The following GALNT16 variants were observed in gnomAD, a reference collection of about 807,000 sequenced individuals.
GALNT16 encodes polypeptide N-acetylgalactosaminyltransferase 16, also known as UDP-GalNAc:polypeptide N-acetylgalactosaminyltransferase-like protein 1.
A neutral mutation model predicts 76.1 loss-of-function variants in GALNT16; 40 were observed. The ratio of observed to expected loss-of-function variants is 0.53; its 90% CI spans 0.41 to 0.68. GALNT16 has a LOEUF of 0.68. Among genes scored for constraint, GALNT16 ranks in the 30% least tolerant of loss-of-function variants. GALNT16 has a pLI of 0.00. For synonymous variants in GALNT16, 276 were observed against 285.2 expected (o/e 0.97, Z 0.32); for missense variants, 621 against 731.9 (o/e 0.85, Z 1.75).
the GALNT16 span, among the ~76,000 whole-genome samples, chr14:69,371,893 G>A: frequency 2.6e-5 from 4 of 152,096 alleles, no homozygotes; most frequent in South Asian, 2.1e-4. Flanking sequence ...GCAGTGAGCC[G>A]AGATCGTGCC....
chr14:69,351,700 G>C (rs1428893743), intron 14 of GALNT16: 1 of 187,140 alleles, frequency 5.3e-6, no homozygotes, highest in Non-Finnish European at 1.1e-5. Flanking sequence ...CTTGAGGTGA[G>C]ACGTTCTAGC....
chr14:69,331,167 G>A (rs536815839), intron 6 of GALNT16, among the ~76,000 whole-genome samples: 3 of 152,362 alleles, frequency 2.0e-5, no homozygotes, highest in Non-Finnish European at 2.9e-5. Context: ...CCTTCAGCCT[G>A]CAGCAGTCAA....
At chr14:69,372,838 A>T in the GALNT16 span, among the ~76,000 whole-genome samples, 1 of 152,170 alleles carries the variant, frequency 6.6e-6, no homozygotes, top group Non-Finnish European at 1.5e-5. Flanking sequence ...GCCTTTCAGT[A>T]CCTGCACCTT....
At chr14:69,342,510 A>T (rs2986587) in intron 12 of GALNT16, among the ~76,000 whole-genome samples, 1 of 67,940 alleles carries the variant, frequency 1.5e-5, no homozygotes, top group Non-Finnish European at 3.3e-5. Context: ...GGGAGGGAGG[A>T]AGGAAGGGGA....
At chr14:69,347,490 G>A (rs2045581880) in intron 13 of GALNT16, among the ~76,000 whole-genome samples, 2 of 152,144 alleles carry the variant, frequency 1.3e-5, no homozygotes, top group Admixed American at 6.5e-5. Context: ...ACTCCTGTGC[G>A]CACATGGGTG....
At chr14:69,338,326 C>T (rs1038407727) in intron 9 of GALNT16, among the ~76,000 whole-genome samples, 3 of 152,234 alleles carry the variant, frequency 2.0e-5, no homozygotes, top group African/African-American at 4.8e-5. Flanking sequence ...GCTTTCTAGA[C>T]AGAGCCTGGA....
chr14:69,289,092 G>A (rs1467304217), intron 1 of GALNT16, among the ~76,000 whole-genome samples: 1 of 152,116 alleles, frequency 6.6e-6, no homozygotes, highest in Non-Finnish European at 1.5e-5. Flanking sequence ...TGCCCAGGCT[G>A]GTCTCAAACG....
chr14:69,291,256 T>C lies in GALNT16; in HGVS notation c.178-29455T>C, dbSNP rs148694712. ...TTGCAGTAAGCCAAGATCATGCCGCTGCACTCCAGCCTGGGTAGCAGAATG... is the reference window on the plus strand; with the variant it reads ...TTGCAGTAAGCCAAGATCATGCCGCCGCACTCCAGCCTGGGTAGCAGAATG... On this transcript the variant is annotated intron_variant, in intron 1 of 14. Coordinates refer to ENST00000448469, the MANE Select transcript of GALNT16 (RefSeq NM_001168368.2). Among the ~76,000 whole-genome samples the C allele has an allele frequency of 4.6e-3, 697 of 152,304 alleles. 4 individuals carry two copies. The highest frequency in any genetic ancestry group is 0.011 in the South Asian group (55 of 4,828).
At chr14:69,323,009 C>A (rs1343709981) in intron 2 of GALNT16, among the ~76,000 whole-genome samples, 1 of 127,430 alleles carries the variant, frequency 7.8e-6, no homozygotes, top group Non-Finnish European at 1.6e-5. Context: ...CGCATGCACA[C>A]GTGTAGGGAA....
rs182890486 is a variant in GALNT16, at chr14:69,333,227, A to G, written c.863+58A>G. 983 of 1,239,872 alleles carry G rather than the reference A, an allele frequency of 7.9e-4. 7 individuals carry two copies. In the African/African-American group the frequency reaches 0.012, roughly 15 times the overall value. 76.8% of individuals were successfully genotyped at this position (1,239,872 alleles called of 1,614,324 possible). A position where few individuals can be genotyped will look rare whatever the true frequency, so the allele number is the denominator to read the frequency against. On this transcript the variant is annotated intron_variant, in intron 8 of 14. Coordinates refer to ENST00000448469, the MANE Select transcript of GALNT16 (RefSeq NM_001168368.2). This position sits in a 1 kb window ranked among gnomAD's most constrained non-coding sequence, Gnocchi z 4.2. ...TCCTTCCCTGGGTCAGGGGCCTGGG[A>G]GGCTCTTGGGAGGCTGTATCGGTCG...
intron 1 of GALNT16, among the ~76,000 whole-genome samples, chr14:69,279,969 C>T (rs1197186876): frequency 6.6e-6 from 1 of 152,238 alleles, no homozygotes; most frequent in Non-Finnish European, 1.5e-5. Flanking sequence ...GTTCCCTATG[C>T]AACAGAAATA....
chr14:69,296,049 G>A (rs1035781372), intron 1 of GALNT16, among the ~76,000 whole-genome samples: 1 of 152,098 alleles, frequency 6.6e-6, no homozygotes, highest in Non-Finnish European at 1.5e-5. Context: ...ACTGACTCTC[G>A]GTTCTGCAGG....
At chr14:69,331,135 G>A (rs757981409) in intron 6 of GALNT16, among the ~76,000 whole-genome samples, 16 of 152,222 alleles carry the variant, frequency 1.1e-4, no homozygotes, top group Non-Finnish European at 2.2e-4. Flanking sequence ...CATTGTAAGA[G>A]TAGCTTAAAA....
intron 12 of GALNT16, among the ~76,000 whole-genome samples, chr14:69,343,028 C>T (rs2045515320): frequency 6.6e-6 from 1 of 152,220 alleles, no homozygotes; most frequent in African/African-American, 2.4e-5. Context: ...TCTGTTTGTT[C>T]ACTGCTTTAT....
intron 1 of GALNT16, among the ~76,000 whole-genome samples, chr14:69,311,608 A>G (rs2045021481): frequency 6.6e-6 from 1 of 152,196 alleles, no homozygotes; most frequent in African/African-American, 2.4e-5. Flanking sequence ...TGAGAGTATA[A>G]CCTAACCGAT....
intron 1 of GALNT16, among the ~76,000 whole-genome samples, chr14:69,279,630 G>T (rs2044514454): frequency 6.6e-6 from 1 of 152,266 alleles, no homozygotes; most frequent in African/African-American, 2.4e-5. Flanking sequence ...TGTGGGAAAG[G>T]CTGTGGGGGC....
chr14:69,312,896 C>T (rs999791696), intron 1 of GALNT16, among the ~76,000 whole-genome samples: 13 of 152,258 alleles, frequency 8.5e-5, no homozygotes, highest in South Asian at 2.1e-4. Flanking sequence ...ATGCCAAGGA[C>T]ATCTGAGCCA....
chr14:69,269,485 ATG>A (rs371153543), intron 1 of GALNT16, among the ~76,000 whole-genome samples: 4 of 141,896 alleles, frequency 2.8e-5, no homozygotes, highest in East Asian at 2.1e-4. Context: ...GTAGTATGTG[ATG>A]TGTGTGTGTG....
the GALNT16 span, among the ~76,000 whole-genome samples, chr14:69,379,772 G>A: frequency 6.6e-6 from 1 of 152,114 alleles, no homozygotes; most frequent in Non-Finnish European, 1.5e-5. Flanking sequence ...CCAACTGAAG[G>A]CTCTGAAAAG....
Sources: gnomAD v4.1 joint callset for allele counts (sites outside exome capture counted in the v4.1 genomes callset) on GRCh38, gnomAD v4.1.1 for gene constraint, Gnocchi (gnomAD v3.1) non-coding constraint, MANE v1.5 for transcripts, NCBI Gene and HGNC (gene_info 2026-07-23, HGNC 2026-07-21) for gene names.